RASA2: variants seen among roughly 807,000 people sequenced by gnomAD.
RASA2 encodes the protein ras GTPase-activating protein 2.
In RASA2, 155 loss-of-function variants were observed where a neutral mutation model predicts 118.2. The ratio of observed to expected loss-of-function variants is 1.31; its 90% confidence interval spans 1.15 to 1.50. The LOEUF (loss-of-function observed/expected upper bound fraction) is 1.50. Among genes scored for constraint, RASA2 ranks in the 40% most tolerant of loss-of-function variants. The probability of loss-of-function intolerance (pLI) is 0.00; values close to 1 mark genes in which losing one functional copy is unlikely to be tolerated. For synonymous variants in RASA2, 353 were observed against 349.1 expected (o/e 1.01, Z -0.12); for missense variants, 1,016 against 1,009.6 (o/e 1.01, Z -0.09).
At chr3:141,599,638 A>G (rs1401112098) in intron 19 of RASA2, among the ~76,000 whole-genome samples, 3 of 152,186 alleles carry the variant, frequency 2.0e-5, no homozygotes, top group Non-Finnish European at 4.4e-5. Context: ...GAGGTTGTCA[A>G]CTTAAACAGC....
chr3:141,594,309 A>T (rs146673796), intron 19 of RASA2, among the ~76,000 whole-genome samples: 2 of 152,042 alleles, frequency 1.3e-5, no homozygotes, highest in East Asian at 3.9e-4. Flanking sequence ...AGTCTAACAT[A>T]TGCATGGTTG....
intron 19 of RASA2, among the ~76,000 whole-genome samples, chr3:141,607,005 A>G (rs1451255673): frequency 6.6e-6 from 1 of 152,174 alleles, no homozygotes; most frequent in Non-Finnish European, 1.5e-5. Context: ...GAAATGCATC[A>G]TATTCTTATG....
intron 3 of RASA2, among the ~76,000 whole-genome samples, chr3:141,522,154 T>C (rs1448427937): frequency 1.3e-5 from 2 of 152,164 alleles, no homozygotes; most frequent in African/African-American, 2.4e-5. Flanking sequence ...TTCACATTTA[T>C]TCTCATTGTA....
At chr3:141,600,221 G>A (rs554949662) in intron 19 of RASA2, 7 of 477,216 alleles carry the variant, frequency 1.5e-5, no homozygotes, top group Non-Finnish European at 3.0e-5. Flanking sequence ...ATGGAGATGT[G>A]TAAAAAGGTT....
At chr3:141,585,952 CAT>C in intron 17 of RASA2, 71 bp from the exon 18 acceptor site, 1 of 1,159,530 alleles carries the variant, frequency 8.6e-7, no homozygotes, top group South Asian at 1.5e-5. Context: ...TAATTAATGA[CAT>C]GTAAGATAAA....
intron 9 of RASA2, among the ~76,000 whole-genome samples, chr3:141,570,098 T>TC (rs2082892996): frequency 6.6e-6 from 1 of 151,986 alleles, no homozygotes. Flanking sequence ...TTTTTTTTTT[T>TC]TTTTTTAAAC....
chr3:141,525,975 A>G (rs566632575), intron 3 of RASA2: 1 of 152,222 alleles, frequency 6.6e-6, no homozygotes, highest in South Asian at 2.1e-4. Context: ...AATTCACCCG[A>G]GATTACACAG....
chr3:141,553,902 T>C lies in RASA2; in HGVS notation c.573T>C (p.Cys191=). 6.2e-7 allele frequency: 1 copy of C among 1,612,938 alleles called. No homozygotes were observed. The highest frequency in any genetic ancestry group is 8.5e-7 in the Non-Finnish European group (1 of 1,179,266). The change falls in exon 6 of 24, where the codon TGT becomes TGC. Residue 191 remains cysteine (C), a synonymous_variant. Coordinates refer to ENST00000286364, the MANE Select transcript of RASA2 (RefSeq NM_006506.5). The stretch of plus-strand genomic sequence containing the variant: ...TGCCTCTCATAAATGGCCAAAGCTG[T>C]GACCCTTATGCAACAGTTTCTCTAG... ...HGLPLINGQS[C]DPYATVSLVG...
At chr3:141,529,200 T>C (rs930448952) in intron 3 of RASA2, among the ~76,000 whole-genome samples, 1 of 152,096 alleles carries the variant, frequency 6.6e-6, no homozygotes, top group Non-Finnish European at 1.5e-5. Flanking sequence ...AAAATTGTTA[T>C]AATCTCCCAT....
At chr3:141,496,403 T>A (rs572925245) in intron 1 of RASA2, among the ~76,000 whole-genome samples, 5 of 151,962 alleles carry the variant, frequency 3.3e-5, no homozygotes, top group Admixed American at 3.3e-4. Flanking sequence ...GGGAGAAAAA[T>A]TTTGCAATCT....
At chr3:141,586,813 C>T (rs764917502) in intron 19 of RASA2, 61 bp downstream of exon 19, 22 of 1,347,952 alleles carry the variant, frequency 1.6e-5, no homozygotes, top group African/African-American at 7.2e-5. Flanking sequence ...GTTTCTTTGC[C>T]GCTTATTGTG....
At chr3:141,521,765 C>T (rs1007112990) in intron 3 of RASA2, among the ~76,000 whole-genome samples, 1 of 151,950 alleles carries the variant, frequency 6.6e-6, no homozygotes. Flanking sequence ...ATTCTTTTTC[C>T]TTTTGCATAT....
Position 141,574,038 on chromosome 3 carries a change from T to C in RASA2, c.1454T>C (p.Leu485Pro). The change falls in exon 14 of 24, where the codon CTA becomes CCA. Residue 485 changes from leucine to proline, a missense_variant. Physicochemically the swap from Leu to Pro is moderately conservative, Grantham distance 98. This residue lies in a region of RASA2 where 896 missense variants were observed against 836.4 expected (regional missense o/e 1.07). Transcript: ENST00000286364. ...PTVMCDIFYSLRQMATQRFPN... is the reference protein window; with the variant it reads ...PTVMCDIFYSPRQMATQRFPN... ...GTAATGTGTGATATCTTTTATTCTC[T>C]AAGGCAGATGGCTACTCAGAGATTT... is the stretch of plus-strand genomic sequence containing the variant. 3 of 1,539,722 alleles carry C rather than the reference T, an allele frequency of 1.9e-6. No individual in the cohort carries two copies. Among genetic ancestry groups the C allele is most frequent in the Non-Finnish European group, 1.8e-6 (2 of 1,137,554 alleles).
chr3:141,495,228 CAG>C (rs1315840246), intron 1 of RASA2, among the ~76,000 whole-genome samples: 1 of 152,150 alleles, frequency 6.6e-6, no homozygotes, highest in Non-Finnish European at 1.5e-5. Context: ...TATGAGGAAA[CAG>C]ATACACAATA....
intron 19 of RASA2, among the ~76,000 whole-genome samples, chr3:141,595,977 A>G (rs9822575): frequency 0.29 from 43,775 of 152,108 alleles, 6,609 homozygotes; most frequent in Non-Finnish European, 0.32. Context: ...TGAGCACAAG[A>G]ACCAGTTTTC....
intron 1 of RASA2, among the ~76,000 whole-genome samples, chr3:141,489,823 G>C (rs953478730): frequency 6.6e-6 from 1 of 151,798 alleles, no homozygotes; most frequent in African/African-American, 2.4e-5. Context: ...ATATCTGTCA[G>C]TTGGACAGAT....
intron 6 of RASA2, 61 bp from the exon 7 acceptor site, chr3:141,555,779 C>T: frequency 2.2e-6 from 3 of 1,393,908 alleles, no homozygotes; most frequent in Non-Finnish European, 3.0e-6. Context: ...TTGGAAATAG[C>T]ATGTTTTATA....
intron 8 of RASA2, 40 bp downstream of exon 8, chr3:141,559,002 A>G (rs778984797): frequency 5.3e-6 from 8 of 1,495,590 alleles, no homozygotes; most frequent in African/African-American, 4.2e-5. Flanking sequence ...TTTTTTGTAT[A>G]CCAAAAGAAA....
At position 141,610,027 on chromosome 3, in the gene RASA2, A is replaced by G; in HGVS notation, c.2480A>G (p.Tyr827Cys). 7 of 1,603,996 alleles carry G rather than the reference A, an allele frequency of 4.4e-6. No homozygotes were observed. Among genetic ancestry groups the G allele is most frequent in the Non-Finnish European group, 6.0e-6 (7 of 1,175,542 alleles). The change falls in exon 23 of 24, where the codon TAT becomes TGT. Residue 827 changes from tyrosine (Y) to cysteine (C), a missense_variant. This residue lies in a region of RASA2 where 120 missense variants were observed against 173.2 expected (regional missense o/e 0.69). Coordinates refer to ENST00000286364, the MANE Select transcript of RASA2 (RefSeq NM_006506.5). Reference protein sequence around the residue: ...IEKLDEPHEKYRKKRSSSAKY... With the variant: ...IEKLDEPHEKCRKKRSSSAKY... ...AAGCTGGATGAACCTCATGAAAAAT[A>G]TAGGAAGAAAAGATCCAGTAGTGCA...
Sources: allele counts gnomAD v4.1 joint callset (sites outside exome capture counted in the v4.1 genomes callset), GRCh38; gene constraint gnomAD v4.1.1; regional missense constraint gnomAD v4.1.1; transcripts MANE v1.5; gene names NCBI Gene and HGNC (gene_info 2026-07-23, HGNC 2026-07-21).